ZNF229: variants seen among roughly 807,000 people sequenced by gnomAD.
ZNF229 encodes zinc finger protein 229.
In ZNF229, 10 loss-of-function variants were observed where a neutral mutation model predicts 11.8. That is an observed-to-expected ratio of 0.85 (90% CI 0.52 to 1.44). ZNF229 has a LOEUF of 1.44. ZNF229 is among the 40% of genes most tolerant of loss of function. The pLI, the probability that ZNF229 is intolerant of heterozygous loss-of-function variation, is 0.00. For missense variants in ZNF229, 1,045 were observed against 1,015.1 expected (o/e 1.03, Z -0.40); for synonymous variants, 368 against 374.8 (o/e 0.98, Z 0.21).
chr19:44,428,291 C>A lies in ZNF229; in HGVS notation c.*12G>T. 3 of 1,590,110 alleles carry A rather than the reference C, an allele frequency of 1.9e-6. No individual in the cohort carries two copies. Among genetic ancestry groups the A allele is most frequent in the East Asian group, 4.5e-5 (2 of 44,528 alleles). On this transcript the variant is annotated 3_prime_UTR_variant, in exon 6 of 6. Coordinates refer to ENST00000614049, the MANE Select transcript of ZNF229 (RefSeq NM_014518.4). ...AAAGCTCTGAGTCCCAGATGGAATC[C>A]TCTATGTACATCTACTTATAAGGGT...
rs1458320092 is a variant in ZNF229 at position 44,429,936 on chromosome 19, G to A, written c.845C>T (p.Pro282Leu). The change falls in exon 6 of 6, where the codon CCG becomes CTG. Residue 282 changes from proline to leucine, a missense_variant. Transcript: ENST00000614049. Reference protein sequence around the residue: ...NGFRDDADLPPHPRVPLKEKL... With the variant: ...NGFRDDADLPLHPRVPLKEKL... ...CTCTTTCAAAGGTACTCTTGGATGC[G>A]GGGGAAGGTCTGCATCGTCCCTGAA... 49 of 1,613,862 alleles carry A rather than the reference G, an allele frequency of 3.0e-5. No individual in the cohort carries two copies. The highest frequency in any genetic ancestry group is 4.4e-5 in the South Asian group (4 of 91,068).
At chr19:44,435,145 G>C (rs997844035) in intron 4 of ZNF229, among the ~76,000 whole-genome samples, 3 of 152,060 alleles carry the variant, frequency 2.0e-5, no homozygotes, top group African/African-American at 7.2e-5. Context: ...AGTAGCATGA[G>C]AACAGACTAA....
Position 44,439,605 on chromosome 19 carries a change from G to A in ZNF229, c.93+2958C>T, listed in dbSNP as rs982981938. Among the ~76,000 whole-genome samples, 8 of 151,820 alleles carry A rather than the reference G, an allele frequency of 5.3e-5. No individual in the cohort carries two copies. In the South Asian group the frequency reaches 6.2e-4, roughly 12 times the overall value. On this transcript the variant is annotated intron_variant, in intron 4 of 5. Coordinates refer to ENST00000614049, the MANE Select transcript of ZNF229 (RefSeq NM_014518.4). ...ATTACAGGTGTGCGCCACCATGCCC[G>A]GCTAATTTTTTTACTTTTGGTAGAG...
At chr19:44,435,122 G>C (rs1167552459) in intron 4 of ZNF229, among the ~76,000 whole-genome samples, 1 of 152,132 alleles carries the variant, frequency 6.6e-6, no homozygotes. Flanking sequence ...CCAGTCTCGA[G>C]TATGTCTTTA....
rs1465991559 is a variant in ZNF229 at position 44,426,704 on chromosome 19, C to CGCA, written c.*1598_*1599insTGC. On this transcript the variant is annotated 3_prime_UTR_variant, in exon 6 of 6. Coordinates refer to ENST00000614049, the MANE Select transcript of ZNF229 (RefSeq NM_014518.4). Reference sequence around the variant, plus strand: ...TTTAAAAATGTTTTAAATTTAAAAACTCCACCTTCTGCATGCGTTTTTGCC... The same window carrying CGCA: ...TTTAAAAATGTTTTAAATTTAAAAACGCATCCACCTTCTGCATGCGTTTTTGCC... The CGCA allele has an allele frequency of 6.4e-4, 98 of 152,288 alleles. 1 individual carries two copies. The highest frequency in any genetic ancestry group is 1.9e-3 in the African/African-American group (80 of 41,524). The allele number at this position is 152,288 out of a possible 1,614,324, so 9.4% of individuals were successfully genotyped here. A position where few individuals can be genotyped will look rare whatever the true frequency, so the allele number is the denominator to read the frequency against.
Position 44,428,825 on chromosome 19 carries a change from G to A in ZNF229, c.1956C>T (p.Gly652=), listed in dbSNP as rs189094366. Residue 652 remains glycine (G), a synonymous_variant, in exon 6 of 6, where the codon GGC becomes GGT. Coordinates refer to ENST00000614049, the MANE Select transcript of ZNF229 (RefSeq NM_014518.4). ...GLLIHQRVHT[G]EKPYRCQECG... ...ACTCTTGGCATCTGTAAGGTTTCTCGCCTGTGTGGACTCTCTGGTGAATGA... is the reference window on the plus strand; with the variant it reads ...ACTCTTGGCATCTGTAAGGTTTCTCACCTGTGTGGACTCTCTGGTGAATGA... 293 of 1,612,608 alleles carry A rather than the reference G, an allele frequency of 1.8e-4. 1 individual carries two copies. Among genetic ancestry groups the A allele is most frequent in the African/African-American group, 6.8e-4 (51 of 74,702 alleles).
intron 2 of ZNF229, among the ~76,000 whole-genome samples, chr19:44,446,378 A>C (rs890204797): frequency 4.6e-5 from 7 of 152,252 alleles, no homozygotes; most frequent in African/African-American, 1.4e-4. Flanking sequence ...CAAAAGGTTT[A>C]GGTTCGAATT....
At position 44,434,632 on chromosome 19, in the gene ZNF229, A is replaced by C. The variant is rs192135085; in HGVS notation, c.94-2266T>G. ...ACTTGGACAGTGGCAAGCTTTCTTG[A>C]GAACTGCATATGAGGGCTCTCAGAA... On this transcript the variant is annotated intron_variant, in intron 4 of 5. Transcript: ENST00000614049. Among the ~76,000 whole-genome samples, 18 of 152,350 alleles carry C rather than the reference A, an allele frequency of 1.2e-4. No homozygotes were observed. In the East Asian group the frequency reaches 3.5e-3, roughly 29 times the overall value.
rs146515421 is a variant in ZNF229 at position 44,430,129 on chromosome 19, C to T, written c.652G>A (p.Asp218Asn). The change falls in exon 6 of 6, where the codon GAT (aspartate) becomes AAT (asparagine). Residue 218 changes from aspartate to asparagine, a missense_variant. By Grantham distance (23) the Asp-to-Asn change is conservative (BLOSUM62 1). Coordinates refer to ENST00000614049, the MANE Select transcript of ZNF229 (RefSeq NM_014518.4). ...TEDTVYKCNW[D>N]DDSFCWISCH... ...GATATCCAGCAAAAGCTGTCATCAT[C>T]CCAGTTACATTTATATACTGTGTCT... 402 of 1,614,078 alleles carry T rather than the reference C, an allele frequency of 2.5e-4. 1 individual carries two copies. In the African/African-American group the frequency reaches 4.8e-3, roughly 19 times the overall value.
chr19:44,434,938 T>C (rs1971786756), intron 4 of ZNF229, among the ~76,000 whole-genome samples: 1 of 152,052 alleles, frequency 6.6e-6, no homozygotes, highest in Non-Finnish European at 1.5e-5. Flanking sequence ...CCCATGCTGT[T>C]CTCATGATGG....
intron 3 of ZNF229, 32 bp downstream of exon 3, chr19:44,442,782 T>TG: frequency 1.0e-4 from 156 of 1,544,872 alleles, no homozygotes; most frequent in Middle Eastern, 3.4e-4. Flanking sequence ...GTTTGGATTC[T>TG]CCCCCCACCC....
Position 44,432,215 on chromosome 19 carries a change from C to T in ZNF229, c.238+7G>A, listed in dbSNP as rs1216621192. The T allele has an allele frequency of 3.7e-6, 6 of 1,605,778 alleles. No individual in the cohort carries two copies. The Admixed American group carries it at 1.0e-4, about 28-fold the overall frequency. On this transcript the variant is annotated splice_region_variant and intron_variant, in intron 5 of 5. Transcript: ENST00000614049. ...AAGAACACTCCAAGAAGTTCAGTTC[C>T]AATTACCCAGAGGATTCCTCTCACC... is the stretch of plus-strand genomic sequence containing the variant.
chr19:44,442,776 G>T, intron 3 of ZNF229, 38 bp downstream of exon 3: 2 of 1,607,178 alleles, frequency 1.2e-6, no homozygotes, highest in Non-Finnish European at 8.5e-7. Context: ...CACTCAGTTT[G>T]GATTCTCCCC....
At chr19:44,431,743 A>G in intron 5 of ZNF229, 1 of 985,802 alleles carries the variant, frequency 1.0e-6, no homozygotes, top group South Asian at 4.7e-5. Context: ...TGTCTCCAAG[A>G]CCTCTAGGCC....
At chr19:44,443,612 G>A (rs1052386341) in intron 2 of ZNF229, among the ~76,000 whole-genome samples, 1 of 152,134 alleles carries the variant, frequency 6.6e-6, no homozygotes, top group Admixed American at 6.5e-5. Flanking sequence ...CACTGTGCAA[G>A]TATAGTGCCA....
At position 44,429,068 on chromosome 19, in the gene ZNF229, G is replaced by A. The variant is rs763688599; in HGVS notation, c.1713C>T (p.Pro571=). 1.1e-5 allele frequency: 18 copies of A among 1,613,396 alleles called. No homozygotes were observed. Among genetic ancestry groups the A allele is most frequent in the Non-Finnish European group, 1.5e-5 (18 of 1,179,786 alleles). The part of the protein sequence containing the change: ...IHQRVHTGEK[P]YKCSECGKGF... ...CCTTCCCACACTCACTGCATTTATAGGGTTTCTCTCCTGTGTGGACCCTCT... is the reference window on the plus strand; with the variant it reads ...CCTTCCCACACTCACTGCATTTATAAGGTTTCTCTCCTGTGTGGACCCTCT... The change falls in exon 6 of 6, where the codon CCC becomes CCT. Residue 571 remains proline, a synonymous_variant. Coordinates refer to ENST00000614049, the MANE Select transcript of ZNF229 (RefSeq NM_014518.4).
chr19:44,447,862 C>G (rs1489167303), intron 1 of ZNF229, among the ~76,000 whole-genome samples: 3 of 152,164 alleles, frequency 2.0e-5, no homozygotes, highest in East Asian at 1.9e-4. Flanking sequence ...AGAATCAAGA[C>G]AAAATCTCAA....
intron 5 of ZNF229, 140 bp from the exon 6 acceptor site, chr19:44,430,682 T>C (rs1434375515): frequency 1.1e-5 from 8 of 746,452 alleles, no homozygotes; most frequent in Non-Finnish European, 1.6e-5. Context: ...CTTATGTTTA[T>C]GACAAGAGGA....
chr19:44,429,778 G>C lies in ZNF229; in HGVS notation c.1003C>G (p.His335Asp), dbSNP rs1257905396. 1 of 1,614,024 alleles carries C rather than the reference G, an allele frequency of 6.2e-7. No individual in the cohort carries two copies. The highest frequency in any genetic ancestry group is 8.5e-7 in the Non-Finnish European group (1 of 1,180,032). The change falls in exon 6 of 6, where the codon CAC (histidine) becomes GAC (aspartate). Residue 335 changes from histidine (H) to aspartate (D), a missense_variant. By Grantham distance (81) the His-to-Asp change is moderately conservative (BLOSUM62 -1). Transcript: ENST00000614049. Reference sequence around the variant, plus strand: ...GGGGCTCTGGGGTGGTTACGTATGTGCGTGTTCTGTCTGACGCCCCGACCA... The same window carrying C: ...GGGGCTCTGGGGTGGTTACGTATGTCCGTGTTCTGTCTGACGCCCCGACCA... ...ERGRGVRQNT[H>D]IRNHPRAPVG...
Sources: gnomAD v4.1 joint callset for allele counts (sites outside exome capture counted in the v4.1 genomes callset) on GRCh38, gnomAD v4.1.1 for gene constraint, MANE v1.5 for transcripts, NCBI Gene and HGNC (gene_info 2026-07-23, HGNC 2026-07-21) for gene names.